Variants in FAT1 observed in about 807,000 individuals in gnomAD.
FAT1 encodes the protein FAT atypical cadherin 1.
A neutral mutation model predicts 329.8 loss-of-function variants in FAT1; 171 were observed. The ratio of observed to expected loss-of-function variants is 0.52; its 90% CI spans 0.46 to 0.59. The LOEUF (loss-of-function observed/expected upper bound fraction) is 0.59. Ranked by LOEUF, FAT1 falls within the 20% of genes least tolerant of loss-of-function variation. The pLI is 0.00. For synonymous variants in FAT1, 2,233 were observed against 2,228.6 expected, an observed-to-expected ratio of 1.00 and a Z score of -0.06; for missense variants, 5,672 against 5,774.4, an observed-to-expected ratio of 0.98 and a Z score of 0.57.
chr4:186,686,246 C>G (rs575895739), intron 2 of FAT1, among the ~76,000 whole-genome samples: 1 of 148,274 alleles, frequency 6.7e-6, no homozygotes, highest in African/African-American at 2.4e-5. Flanking sequence ...TCACCCCCCC[C>G]CGACATTCTG....
intron 1 of FAT1, among the ~76,000 whole-genome samples, chr4:186,722,226 T>G (rs1467599209): frequency 1.3e-5 from 2 of 152,228 alleles, no homozygotes; most frequent in Admixed American, 6.5e-5. Flanking sequence ...CGGGGATACT[T>G]CAAAAGAGAC....
chr4:186,620,647 G>A lies in FAT1; in HGVS notation c.5939C>T (p.Thr1980Ile), dbSNP rs1739995405. The part of the protein sequence containing the change: ...KESKESHLKF[T>I]QDVYSAVVKE... Reference sequence around the variant, plus strand: ...CACTACCGCAGAGTAGACATCCTGGGTAAACTTTAGGTGACTTTCTTTGCT... The same window carrying A: ...CACTACCGCAGAGTAGACATCCTGGATAAACTTTAGGTGACTTTCTTTGCT... The change falls in exon 10 of 27, where the codon ACC (threonine) becomes ATC (isoleucine). Residue 1980 changes from threonine (T) to isoleucine (I), a missense_variant. Thr to Ile is a moderately conservative substitution (Grantham distance 89). This residue lies in a region of FAT1 where 3,966 missense variants were observed against 3,915.2 expected (regional missense o/e 1.01). Transcript: ENST00000441802. 3 of 1,613,994 alleles carry A rather than the reference G, an allele frequency of 1.9e-6. No homozygotes were observed. The highest frequency in any genetic ancestry group is 2.5e-6 in the Non-Finnish European group (3 of 1,179,884).
At chr4:186,711,941 G>C (rs1302665976) in intron 1 of FAT1, among the ~76,000 whole-genome samples, 2 of 152,096 alleles carry the variant, frequency 1.3e-5, no homozygotes, top group African/African-American at 4.8e-5. Context: ...AACAAAACCA[G>C]AAACACTTGG....
rs749936232 is a variant in FAT1, at chr4:186,600,038, G to A, written c.11963C>T (p.Pro3988Leu). 3 of 1,613,982 alleles carry A rather than the reference G, an allele frequency of 1.9e-6. No homozygotes were observed. In the Admixed American group the frequency reaches 5.0e-5, roughly 27 times the overall value. Residue 3988 changes from proline (P) to leucine (L), a missense_variant, in exon 22 of 27, where the codon CCT (proline) becomes CTT (leucine). Coordinates refer to ENST00000441802, the MANE Select transcript of FAT1 (RefSeq NM_005245.4). The part of the protein sequence containing the change: ...DSIYLNGQEL[P>L]LNSKPRSYAH... ...ATAGCTTCTGGGTTTGCTGTTTAAA[G>A]GGAGCTCCTGCCCATTCAAATAAAT...
chr4:186,698,643 G>A (rs918395345), intron 2 of FAT1, among the ~76,000 whole-genome samples: 1 of 152,250 alleles, frequency 6.6e-6, no homozygotes, highest in Non-Finnish European at 1.5e-5. Context: ...GCACAGAGGG[G>A]TAGAGGGCTG....
At chr4:186,643,189 C>T (rs927253096) in intron 3 of FAT1, among the ~76,000 whole-genome samples, 5 of 152,092 alleles carry the variant, frequency 3.3e-5, no homozygotes, top group Non-Finnish European at 7.3e-5. Flanking sequence ...GGGCCGGTGA[C>T]GACAGCATGG....
intron 2 of FAT1, among the ~76,000 whole-genome samples, chr4:186,676,400 C>T (rs777535327): frequency 1.2e-4 from 18 of 151,840 alleles, no homozygotes; most frequent in Admixed American, 2.0e-4. Flanking sequence ...AAGAAATATA[C>T]ATGTATTATA....
rs1262364023 is a variant in FAT1, at chr4:186,596,382, C to T, written c.13000+158G>A. On this transcript the variant is annotated intron_variant, in intron 25 of 26. Coordinates refer to ENST00000441802, the MANE Select transcript of FAT1 (RefSeq NM_005245.4). The surrounding 1 kb of genome is among the most constrained non-coding windows in gnomAD (Gnocchi z 4.7). ...CATCAAAGCCACAATGCTAACCCAGCAATCGGGACATCCAAAAAAGTTTCA... is the reference window on the plus strand; with the variant it reads ...CATCAAAGCCACAATGCTAACCCAGTAATCGGGACATCCAAAAAAGTTTCA... Among the ~76,000 whole-genome samples the T allele has an allele frequency of 6.6e-6, 1 of 152,182 alleles. No individual in the cohort carries two copies. The highest frequency in any genetic ancestry group is 1.5e-5 in the Non-Finnish European group (1 of 68,042).
intron 26 of FAT1, among the ~76,000 whole-genome samples, chr4:186,593,262 T>C (rs1333311343): frequency 6.6e-6 from 1 of 152,218 alleles, no homozygotes; most frequent in Admixed American, 6.5e-5. Flanking sequence ...TCTCGTCTGT[T>C]TGCAGATGGA....
chr4:186,620,427 C>T lies in FAT1; in HGVS notation c.6159G>A (p.Val2053=), dbSNP rs2126515557. 6.2e-7 allele frequency: 1 copy of T among 1,614,038 alleles called. No individual in the cohort carries two copies. Among genetic ancestry groups the T allele is most frequent in the Non-Finnish European group, 8.5e-7 (1 of 1,179,896 alleles). ...CTGCAGAAGGCTTATGTTCCTCTGTCACTTCTACAACCACATCAAACGCCT... is the reference window on the plus strand; with the variant it reads ...CTGCAGAAGGCTTATGTTCCTCTGTTACTTCTACAACCACATCAAACGCCT... ...QQEAFDVVVE[V]TEEHKPSAVA... The change falls in exon 10 of 27, where the codon GTG becomes GTA. Residue 2053 remains valine, a synonymous_variant. Transcript: ENST00000441802.
At position 186,588,643 on chromosome 4, in the gene FAT1, G is replaced by A. The variant is rs749214202; in HGVS notation, c.13716C>T (p.Phe4572=). Reference sequence around the variant, plus strand: ...CCAGGGGCGGGATCGTCACCTCTTCGAAGTGGCCGTCGTCCCCGCTCTCAT... The same window carrying A: ...CCAGGGGCGGGATCGTCACCTCTTCAAAGTGGCCGTCGTCCCCGCTCTCAT... ...SDYESGDDGH[F]EEVTIPPLDS... is the part of the protein sequence containing the mutation. The change falls in exon 27 of 27, where the codon TTC becomes TTT. Residue 4572 remains phenylalanine, a synonymous_variant. Transcript: ENST00000441802. 20 of 1,613,720 alleles carry A rather than the reference G, an allele frequency of 1.2e-5. No individual in the cohort carries two copies. Among genetic ancestry groups the A allele is most frequent in the Admixed American group, 1.7e-5 (1 of 59,988 alleles).
In FAT1 at chr4:186,639,764, T is replaced by G. The variant is rs755360739; in HGVS notation, c.3600A>C (p.Ser1200=). 1.2e-6 allele frequency: 2 copies of G among 1,613,374 alleles called. No individual in the cohort carries two copies. The highest frequency in any genetic ancestry group is 1.7e-6 in the Non-Finnish European group (2 of 1,179,552). The change falls in exon 4 of 27, where the codon TCA becomes TCC. Residue 1200 remains serine, a synonymous_variant. Transcript: ENST00000441802. ...HPKTGLITTT[S]RKLDREQQDE... is the part of the protein sequence containing the mutation. ...CTTGCTGTTCTCGGTCTAGCTTCCTTGACGTAGTTGTGATGAGACCTGTAA... is the reference window on the plus strand; with the variant it reads ...CTTGCTGTTCTCGGTCTAGCTTCCTGGACGTAGTTGTGATGAGACCTGTAA...
chr4:186,641,422 T>C (rs9996710), intron 3 of FAT1, among the ~76,000 whole-genome samples: 66,413 of 151,990 alleles, frequency 0.44, 14,782 homozygotes, highest in East Asian at 0.61. Flanking sequence ...AAATGTACCA[T>C]CCTCTCCTAA....
intron 14 of FAT1, among the ~76,000 whole-genome samples, chr4:186,611,099 T>A (rs2126465350): frequency 6.6e-6 from 1 of 152,354 alleles, no homozygotes; most frequent in Admixed American, 6.5e-5. Context: ...TTGCTATACC[T>A]TACATCTCAA....
intron 3 of FAT1, among the ~76,000 whole-genome samples, chr4:186,653,906 A>G (rs1242015940): frequency 6.6e-6 from 1 of 152,174 alleles, no homozygotes; most frequent in African/African-American, 2.4e-5. Flanking sequence ...TCATAAAACT[A>G]AGTTTAAAAA....
intron 24 of FAT1, 41 bp from the exon 25 acceptor site, chr4:186,597,212 T>C (rs2126396612): frequency 3.3e-6 from 5 of 1,518,732 alleles, no homozygotes; most frequent in Non-Finnish European, 3.5e-6. Context: ...CTCTGTAGCA[T>C]ACGCCAGCGT....
chr4:186,609,262 T>C lies in FAT1; in HGVS notation c.10127A>G (p.Asp3376Gly). The C allele has an allele frequency of 6.2e-7, 1 of 1,614,040 alleles. No individual in the cohort carries two copies. The highest frequency in any genetic ancestry group is 8.5e-7 in the Non-Finnish European group (1 of 1,179,898). ...SNSHIHYSII[D>G]GNQGSSFTID... Reference sequence around the variant, plus strand: ...TGTGAACGAGCTTCCTTGGTTGCCATCTATAATTGAGTAGTGGATGTGGCT... The same window carrying C: ...TGTGAACGAGCTTCCTTGGTTGCCACCTATAATTGAGTAGTGGATGTGGCT... Residue 3376 changes from aspartate (D) to glycine (G), a missense_variant, in exon 16 of 27, where the codon GAT becomes GGT. By Grantham distance (94) the Asp-to-Gly change is moderately conservative. This residue lies in a region of FAT1 where 1,706 missense variants were observed against 1,859.1 expected (regional missense o/e 0.92). Transcript: ENST00000441802.
intron 1 of FAT1, among the ~76,000 whole-genome samples, chr4:186,723,072 CAA>C (rs1745531704): frequency 6.6e-6 from 1 of 152,162 alleles, no homozygotes; most frequent in Non-Finnish European, 1.5e-5. Context: ...AATGAAGGAC[CAA>C]AAACTCTTTC....
At chr4:186,623,101 C>T (rs915649594) in intron 9 of FAT1, among the ~76,000 whole-genome samples, 1 of 152,242 alleles carries the variant, frequency 6.6e-6, no homozygotes, top group South Asian at 2.1e-4. Flanking sequence ...CCAGATCCAG[C>T]CTGCTTTTCA....
Sources: gnomAD v4.1 joint callset for allele counts (sites outside exome capture counted in the v4.1 genomes callset) on GRCh38, gnomAD v4.1.1 for gene constraint, gnomAD v4.1.1 regional missense constraint, Gnocchi (gnomAD v3.1) non-coding constraint, MANE v1.5 for transcripts, NCBI Gene and HGNC (gene_info 2026-07-23, HGNC 2026-07-21) for gene names.